Variants in IL2RB observed in about 807,000 individuals in gnomAD.
The protein encoded by IL2RB is interleukin 2 receptor subunit beta.
Under a neutral mutation model 44.2 loss-of-function variants are expected in IL2RB, and 17 were observed. The ratio of observed to expected loss-of-function variants is 0.38; its 90% confidence interval spans 0.26 to 0.58. IL2RB has a LOEUF of 0.58. IL2RB is among the 20% of genes least tolerant of loss of function. The pLI is 0.63. For missense variants in IL2RB, 624 were observed against 685.5 expected (o/e 0.91, Z 1.00); for synonymous variants, 286 against 297.9 (o/e 0.96, Z 0.41).
chr22:37,175,068 G>A (rs1923409795), upstream of IL2RB: 1 of 152,222 alleles, frequency 6.6e-6, no homozygotes, highest in African/African-American at 2.4e-5. Context: ...GAGTGAAGGG[G>A]GAAGGGTCCC....
chr22:37,152,314 T>C (rs546154602), upstream of IL2RB, among the ~76,000 whole-genome samples: 4 of 152,364 alleles, frequency 2.6e-5, no homozygotes, highest in South Asian at 6.2e-4. Flanking sequence ...CTAGGTATTT[T>C]ATTTTATTTG....
chr22:37,148,058 A>C lies in IL2RB; in HGVS notation c.-34+1767T>G, dbSNP rs146101806. On this transcript the variant is annotated intron_variant, in intron 1 of 9. Transcript: ENST00000216223. The stretch of plus-strand genomic sequence containing the variant: ...CTGCAGAGAGCCCCAGTGTGTGAGG[A>C]AGGTGCTGAGGGACAAAGGGGTGCA... 4.3e-3 allele frequency among the ~76,000 whole-genome samples: 648 copies of C among 152,320 alleles called. 2 individuals carry two copies. The highest frequency in any genetic ancestry group is 7.5e-3 in the Non-Finnish European group (508 of 68,020).
intron 1 of IL2RB, among the ~76,000 whole-genome samples, chr22:37,161,530 T>A (rs1481884936): frequency 6.6e-6 from 1 of 151,538 alleles, no homozygotes; most frequent in Non-Finnish European, 1.5e-5. Flanking sequence ...GACCTCAGGC[T>A]GGGAAAGTGA....
chr22:37,146,748 C>T (rs1317088029), intron 1 of IL2RB, among the ~76,000 whole-genome samples: 6 of 152,020 alleles, frequency 3.9e-5, no homozygotes, highest in African/African-American at 1.5e-4. Context: ...AGCACAGGGC[C>T]GGGCACACAG....
chr22:37,140,089 T>TG (rs1033762477), intron 4 of IL2RB, among the ~76,000 whole-genome samples: 1 of 152,200 alleles, frequency 6.6e-6, no homozygotes. Context: ...TCTTAGGATC[T>TG]GGGGTCCAGG....
chr22:37,169,648 TC>T (rs1485450405), intron 1 of IL2RB, among the ~76,000 whole-genome samples: 1 of 149,150 alleles, frequency 6.7e-6, no homozygotes, highest in African/African-American at 2.5e-5. Flanking sequence ...CTTGCATGCC[TC>T]CCCCTCCTCC....
intron 8 of IL2RB, 140 bp downstream of exon 8, chr22:37,135,188 G>A (rs1398453045): frequency 4.7e-6 from 3 of 638,352 alleles, no homozygotes; most frequent in Non-Finnish European, 8.6e-6. Context: ...TCCAGAATCT[G>A]ACCTGGCAAG....
At chr22:37,147,451 T>C (rs1435586166) in intron 1 of IL2RB, among the ~76,000 whole-genome samples, 1 of 152,262 alleles carries the variant, frequency 6.6e-6, no homozygotes, top group Admixed American at 6.5e-5. Context: ...ATACTCGTTC[T>C]GTGTACTGAG....
At chr22:37,135,250 G>GTGTGTGTGCA (rs771362307) in intron 8 of IL2RB, 78 bp downstream of exon 8, 2 of 897,846 alleles carry the variant, frequency 2.2e-6, no homozygotes, top group South Asian at 2.8e-5. Flanking sequence ...GCTTGTGTGC[G>GTGTGTGTGCA]TGTGTGTGCA....
chr22:37,134,021 C>A (rs3218358), intron 8 of IL2RB, among the ~76,000 whole-genome samples: 5,627 of 152,184 alleles, frequency 0.037, 280 homozygotes, highest in Admixed American at 0.14. Flanking sequence ...GCCCTGGCCA[C>A]GCCCCAGCCA....
At position 37,128,563 on chromosome 22, in the gene IL2RB, C is replaced by T. The variant is rs577547909; in HGVS notation, c.1189G>A (p.Ala397Thr). The T allele has an allele frequency of 8.7e-6, 14 of 1,613,910 alleles. No individual in the cohort carries two copies. In the African/African-American group the frequency reaches 1.5e-4, roughly 17 times the overall value. ...GGGGAAGACCCTGTGGGTGCCCCGG[C>T]CACACCCTCATCAGGGTCTTCCTCT... is the stretch of plus-strand genomic sequence containing the variant. ...YSEEDPDEGV[A>T]GAPTGSSPQP... is the part of the protein sequence containing the mutation. The change falls in exon 10 of 10, where the codon GCC becomes ACC. Residue 397 changes from alanine to threonine, a missense_variant. Physicochemically the swap from Ala to Thr is moderately conservative, Grantham distance 58. Transcript: ENST00000216223. This position sits in a 1 kb window ranked among gnomAD's most constrained non-coding sequence, Gnocchi z 4.5.
At chr22:37,140,286 C>CATTATTATTATT (rs58127106) in intron 4 of IL2RB, among the ~76,000 whole-genome samples, 1 of 145,488 alleles carries the variant, frequency 6.9e-6, no homozygotes, top group African/African-American at 2.5e-5. Context: ...ATAGTAGTCT[C>CATTATTATTATT]ATTATTATTA....
In IL2RB at chr22:37,170,133, A is replaced by G. The variant is rs892146014; in HGVS notation, c.-34+4825T>C. 6.6e-5 allele frequency among the ~76,000 whole-genome samples: 10 copies of G among 151,064 alleles called. No homozygotes were observed. The South Asian group carries it at 8.4e-4, about 13-fold the overall frequency. Reference sequence around the variant, plus strand: ...GGATGGATGGATGGATGGATGGATGAAGGGATGAACAGACAGACGGATGGA... The same window carrying G: ...GGATGGATGGATGGATGGATGGATGGAGGGATGAACAGACAGACGGATGGA... On this transcript the variant is annotated intron_variant, in intron 1 of 5. Coordinates refer to the IL2RB transcript ENST00000429622.
intron 1 of IL2RB, among the ~76,000 whole-genome samples, chr22:37,167,504 T>C (rs1923126159): frequency 6.6e-6 from 1 of 152,248 alleles, no homozygotes; most frequent in Non-Finnish European, 1.5e-5. Flanking sequence ...GCGGCCTCTC[T>C]GGCTTCTTCT....
chr22:37,166,214 A>C (rs129365), intron 1 of IL2RB, among the ~76,000 whole-genome samples: 148,428 of 152,284 alleles, frequency 0.97, 72,369 homozygotes, highest in East Asian at 1. Context: ...GGGGACCCTC[A>C]ACTGCACCAA....
In IL2RB at chr22:37,137,497, G is replaced by C. The variant is rs1003028796; in HGVS notation, c.537+90C>G. ...CCACCCACCATCCACCTGGGGCTGA[G>C]GGGACCTCGACACAATGAAAAAGGG... On this transcript the variant is annotated intron_variant, in intron 6 of 9. Transcript: ENST00000216223. 21 of 1,403,968 alleles carry C rather than the reference G, an allele frequency of 1.5e-5. No homozygotes were observed. The African/African-American group carries it at 1.8e-4, about 12-fold the overall frequency. 87.0% of individuals were successfully genotyped at this position (1,403,968 alleles called of 1,614,324 possible).
intron 3 of IL2RB, 117 bp from the exon 4 acceptor site, chr22:37,142,629 G>C: frequency 9.8e-7 from 1 of 1,015,830 alleles, no homozygotes; most frequent in Non-Finnish European, 1.5e-6. Context: ...GGCCAGGCTG[G>C]GGCCCCTGTG....
intron 1 of IL2RB, among the ~76,000 whole-genome samples, chr22:37,145,828 T>C (rs1202614965): frequency 2.0e-5 from 3 of 152,162 alleles, no homozygotes; most frequent in South Asian, 2.1e-4. Flanking sequence ...CTCCTGAGCG[T>C]TGGGCATTTC....
chr22:37,173,268 A>G (rs1923347452), intron 1 of IL2RB, among the ~76,000 whole-genome samples: 1 of 151,842 alleles, frequency 6.6e-6, no homozygotes. Context: ...CACTTACCCC[A>G]CGCTGAAGCC....
Sources: allele counts gnomAD v4.1 joint callset (sites outside exome capture counted in the v4.1 genomes callset), GRCh38; gene constraint gnomAD v4.1.1; non-coding constraint Gnocchi (gnomAD v3.1); transcripts MANE v1.5; gene names NCBI Gene and HGNC (gene_info 2026-07-23, HGNC 2026-07-21).